CNTN5: variants seen among roughly 807,000 people sequenced by gnomAD.
CNTN5 encodes the protein contactin-5.
In CNTN5, 77 loss-of-function variants were observed where a neutral mutation model predicts 129.1. The observed-to-expected ratio is 0.60, with a 90% confidence interval of 0.50 to 0.72. The LOEUF (loss-of-function observed/expected upper bound fraction) is 0.72, where lower values mean the gene tolerates loss of function less well. Ranked by LOEUF, CNTN5 falls within the 30% of genes least tolerant of loss-of-function variation. CNTN5 has a pLI of 0.00. For missense variants in CNTN5, 1,478 were observed against 1,328.8 expected (o/e 1.11, Z -1.75); for synonymous variants, 509 against 465.6 (o/e 1.09, Z -1.20).
At chr11:99,518,829 C>T (rs1205588686) in intron 2 of CNTN5, among the ~76,000 whole-genome samples, 2 of 151,882 alleles carry the variant, frequency 1.3e-5, no homozygotes, top group Non-Finnish European at 2.9e-5. Context: ...CATTGTCTAC[C>T]TCCAGTGCAA....
chr11:99,636,497 C>A (rs1951561276), intron 3 of CNTN5, among the ~76,000 whole-genome samples: 1 of 151,780 alleles, frequency 6.6e-6, no homozygotes, highest in Non-Finnish European at 1.5e-5. Flanking sequence ...TACCAATGAC[C>A]TTTCTTTTCC....
chr11:100,124,954 A>G (rs1946136304), intron 13 of CNTN5, among the ~76,000 whole-genome samples: 3 of 152,106 alleles, frequency 2.0e-5, no homozygotes, highest in Admixed American at 2.0e-4. Context: ...TTGTTGAAAT[A>G]CAGACGTCTG....
At chr11:99,459,996 A>C (rs370570420) in intron 2 of CNTN5, among the ~76,000 whole-genome samples, 1 of 151,974 alleles carries the variant, frequency 6.6e-6, no homozygotes, top group Non-Finnish European at 1.5e-5. Flanking sequence ...TAAAGGAAAA[A>C]AAACTGGGTG....
intron 1 of CNTN5, among the ~76,000 whole-genome samples, chr11:99,041,511 C>A (rs1001024433): frequency 6.6e-6 from 1 of 152,186 alleles, no homozygotes; most frequent in Non-Finnish European, 1.5e-5. Flanking sequence ...TTATCCTCAT[C>A]ACCTAGTAGT....
intron 1 of CNTN5, among the ~76,000 whole-genome samples, chr11:99,204,054 C>T (rs1428954601): frequency 6.6e-6 from 1 of 152,154 alleles, no homozygotes; most frequent in Non-Finnish European, 1.5e-5. Flanking sequence ...TCTATATAGA[C>T]ATTTTTAATT....
chr11:100,343,299 C>A lies in CNTN5; in HGVS notation c.3030+2094C>A, dbSNP rs142460384. Among the ~76,000 whole-genome samples the A allele has an allele frequency of 1.8e-3, 269 of 152,320 alleles. 2 individuals carry two copies. The highest frequency in any genetic ancestry group is 6.2e-3 in the African/African-American group (257 of 41,580). ...CTTTTATTTTCTTGAAATGGTTGCACTTCCTTATATCCCTGAGAAGGAAGA... is the reference window on the plus strand; with the variant it reads ...CTTTTATTTTCTTGAAATGGTTGCAATTCCTTATATCCCTGAGAAGGAAGA... On this transcript the variant is annotated intron_variant, in intron 23 of 24. Coordinates refer to ENST00000524871, the MANE Select transcript of CNTN5 (RefSeq NM_014361.4).
chr11:99,493,834 T>C (rs1443969415), intron 2 of CNTN5, among the ~76,000 whole-genome samples: 4 of 152,026 alleles, frequency 2.6e-5, no homozygotes, highest in Non-Finnish European at 5.9e-5. Context: ...ACTCTCATTA[T>C]TATAAATACA....
chr11:100,231,624 G>A (rs144910770), intron 16 of CNTN5, among the ~76,000 whole-genome samples: 1 of 152,118 alleles, frequency 6.6e-6, no homozygotes, highest in African/African-American at 2.4e-5. Flanking sequence ...GATAAATTTT[G>A]TGGTCCCCTA....
chr11:100,087,262 AATG>A (rs1944589257), intron 13 of CNTN5, among the ~76,000 whole-genome samples: 1 of 151,818 alleles, frequency 6.6e-6, no homozygotes, highest in Non-Finnish European at 1.5e-5. Flanking sequence ...ATGAATAAAA[AATG>A]ATATTTCAAA....
chr11:100,284,490 T>C (rs1294777217), intron 18 of CNTN5, among the ~76,000 whole-genome samples: 2 of 152,184 alleles, frequency 1.3e-5, no homozygotes, highest in Non-Finnish European at 2.9e-5. Context: ...GTAAATACTT[T>C]CTCTATTATT....
intron 21 of CNTN5, among the ~76,000 whole-genome samples, chr11:100,311,122 T>G (rs1326644536): frequency 2.6e-5 from 4 of 151,962 alleles, no homozygotes; most frequent in Non-Finnish European, 5.9e-5. Flanking sequence ...GAGGGGCAGC[T>G]GTTCCAACCT....
At chr11:99,948,875 C>A (rs1950610948) in intron 7 of CNTN5, among the ~76,000 whole-genome samples, 1 of 152,196 alleles carries the variant, frequency 6.6e-6, no homozygotes, top group African/African-American at 2.4e-5. Context: ...AAATTTGCCA[C>A]ACCTGGAAAA....
intron 3 of CNTN5, among the ~76,000 whole-genome samples, chr11:99,746,491 C>A (rs1207428391): frequency 1.3e-5 from 2 of 152,290 alleles, no homozygotes; most frequent in South Asian, 2.1e-4. Context: ...AGGAACTGGG[C>A]AGCACAGCAG....
intron 3 of CNTN5, among the ~76,000 whole-genome samples, chr11:99,567,806 C>A (rs72995261): frequency 1.3e-5 from 2 of 152,010 alleles, no homozygotes; most frequent in African/African-American, 4.8e-5. Context: ...TGTGCCCTGG[C>A]GGTATTAGAC....
intron 8 of CNTN5, among the ~76,000 whole-genome samples, chr11:99,987,424 T>A (rs1313558888): frequency 6.6e-6 from 1 of 151,590 alleles, no homozygotes; most frequent in African/African-American, 2.4e-5. Context: ...ACACACAGTA[T>A]TCATATATAC....
chr11:99,325,549 T>C (rs1374157938), intron 2 of CNTN5, 65 bp downstream of exon 2: 1 of 152,208 alleles, frequency 6.6e-6, no homozygotes, highest in Non-Finnish European at 1.5e-5. Context: ...AATATAAGAT[T>C]CATGCATATC....
chr11:99,071,267 G>GT (rs1048279288), intron 1 of CNTN5, among the ~76,000 whole-genome samples: 40 of 151,824 alleles, frequency 2.6e-4, no homozygotes, highest in African/African-American at 6.3e-4. Context: ...CCAAACAGAG[G>GT]TTTTTTTTGT....
chr11:99,580,880 A>T (rs1429756191), intron 3 of CNTN5, among the ~76,000 whole-genome samples: 8 of 138,252 alleles, frequency 5.8e-5, no homozygotes, highest in African/African-American at 2.2e-4. Context: ...CTAGCTTTTG[A>T]ATGTGTTTGC....
At chr11:99,834,696 G>A (rs1252731437) in intron 4 of CNTN5, among the ~76,000 whole-genome samples, 1 of 152,192 alleles carries the variant, frequency 6.6e-6, no homozygotes, top group Non-Finnish European at 1.5e-5. Flanking sequence ...ACTGCTAGAT[G>A]GATGTAAGGT....
Sources: allele counts gnomAD v4.1 joint callset (sites outside exome capture counted in the v4.1 genomes callset), GRCh38; gene constraint gnomAD v4.1.1; transcripts MANE v1.5; gene names NCBI Gene and HGNC (gene_info 2026-07-23, HGNC 2026-07-21).